BCORL1: variants seen among roughly 807,000 people sequenced by gnomAD.
The protein encoded by BCORL1 is BCL-6 corepressor-like protein 1.
Under a neutral mutation model 87.6 loss-of-function variants are expected in BCORL1, and 7 were observed. The observed-to-expected ratio is 0.08, with a 90% CI of 0.05 to 0.15. The LOEUF is 0.15. Ranked by LOEUF, BCORL1 falls within the 10% of genes least tolerant of loss-of-function variation. The pLI, the probability that BCORL1 is intolerant of heterozygous loss-of-function variation, is 1.00. For missense variants in BCORL1, 1,215 were observed against 1,499.7 expected (o/e 0.81, Z 3.13); for synonymous variants, 591 against 634.4 (o/e 0.93, Z 1.03).
In BCORL1 at chrX:130,025,258, G is replaced by C; in HGVS notation, c.3957G>C (p.Glu1319Asp). The part of the protein sequence containing the change: ...RQMWDTNEEE[E>D]EEEEEGLLKR... ...TGTGGGACACCAATGAGGAGGAGGAGGAAGAAGAGGAGGAGGGCCTGCTGA... is the reference window on the plus strand; with the variant it reads ...TGTGGGACACCAATGAGGAGGAGGACGAAGAAGAGGAGGAGGGCCTGCTGA... The change falls in exon 7 of 14, where the codon GAG becomes GAC. Residue 1319 changes from glutamate to aspartate, a missense_variant. Physicochemically the swap from Glu to Asp is conservative, Grantham distance 45. Coordinates refer to ENST00000540052, the MANE Select transcript of BCORL1 (RefSeq NM_001379451.1). The C allele has an allele frequency of 1.7e-6, 2 of 1,209,887 alleles. No individual in the cohort carries two copies. The highest frequency in any genetic ancestry group is 2.2e-6 in the Non-Finnish European group (2 of 894,611).
chrX:129,994,499 A>G (rs1194469848), intron 1 of BCORL1, among the ~76,000 whole-genome samples: 1 of 111,663 alleles, frequency 9.0e-6, no homozygotes, highest in Non-Finnish European at 1.9e-5. Flanking sequence ...CTCGGCTGAG[A>G]TGACTGTCCA....
At chrX:130,022,742 G>A (rs190772807) in intron 5 of BCORL1, among the ~76,000 whole-genome samples, 155 bp from the exon 6 acceptor site, 1 of 112,347 alleles carries the variant, frequency 8.9e-6, no homozygotes, top group Non-Finnish European at 1.9e-5. Flanking sequence ...TGATGGCCAC[G>A]TAAGGGGAGT....
intron 4 of BCORL1, among the ~76,000 whole-genome samples, chrX:130,019,081 A>G (rs912726299): frequency 6.2e-5 from 7 of 112,193 alleles, no homozygotes; most frequent in African/African-American, 2.3e-4. Flanking sequence ...CATTCCTTGG[A>G]AAGCTCTTTG....
chrX:129,997,682 C>T (rs1215051432), intron 1 of BCORL1, among the ~76,000 whole-genome samples: 4 of 106,570 alleles, frequency 3.8e-5, no homozygotes, highest in Non-Finnish European at 7.7e-5. Context: ...ATCCCAGCTA[C>T]TCAGGAGGCT....
In BCORL1 at chrX:130,012,986, C is replaced by CG. The variant is rs779498199; in HGVS notation, c.220dup (p.Ala74GlyfsTer20). 1.7e-6 allele frequency: 2 copies of CG among 1,202,280 alleles called. No individual in the cohort carries two copies. The highest frequency in any genetic ancestry group is 2.3e-6 in the Non-Finnish European group (2 of 888,756). ...GGCAGTTGGAAGTGGCAGCAATGCC[C>CG]GGGGGGCAGACCCAGATGGCAGTGC... On this transcript the variant is annotated frameshift_variant, in exon 4 of 14. Coordinates refer to ENST00000540052, the MANE Select transcript of BCORL1 (RefSeq NM_001379451.1). LOFTEE classifies it high-confidence loss of function.
intron 11 of BCORL1, among the ~76,000 whole-genome samples, chrX:130,042,244 G>A (rs1362529959): frequency 6.3e-5 from 7 of 110,301 alleles, no homozygotes; most frequent in Admixed American, 9.7e-5. Flanking sequence ...GTGTGCCACC[G>A]GTCCCAGCTA....
intron 9 of BCORL1, among the ~76,000 whole-genome samples, chrX:130,036,315 C>T (rs927053104): frequency 9.2e-6 from 1 of 108,404 alleles, no homozygotes; most frequent in Non-Finnish European, 1.9e-5. Context: ...GGCTGGAGTG[C>T]AACGGTGCAA....
chrX:130,030,822 G>A (rs1369060841), intron 8 of BCORL1, among the ~76,000 whole-genome samples: 3 of 112,053 alleles, frequency 2.7e-5, no homozygotes, highest in South Asian at 3.7e-4. Context: ...CAGTGGGTCC[G>A]CTGCAGTGTT....
chrX:130,052,035 C>T lies in BCORL1; in HGVS notation c.5075+19C>T. On this transcript the variant is annotated intron_variant, in intron 13 of 13. Transcript: ENST00000540052. ...CCCGCGGGTAAGTGTCCGAGAGATC[C>T]ACGGTGACTGAGTGTCAGGATCCTG... The T allele has an allele frequency of 8.6e-7, 1 of 1,161,001 alleles. No homozygotes were observed. The highest frequency in any genetic ancestry group is 1.2e-6 in the Non-Finnish European group (1 of 866,807).
intron 4 of BCORL1, 33 bp downstream of exon 4, chrX:130,016,246 G>T: frequency 8.6e-7 from 1 of 1,157,648 alleles, no homozygotes; most frequent in South Asian, 2.0e-5. Context: ...GGGTGGGGCC[G>T]AGATGCCGCT....
intron 1 of BCORL1, among the ~76,000 whole-genome samples, chrX:129,997,595 G>T (rs1287797630): frequency 9.2e-6 from 1 of 108,651 alleles, no homozygotes; most frequent in African/African-American, 3.4e-5. Flanking sequence ...AGTTCGAGAC[G>T]AGCCTGGCCA....
At position 130,015,853 on chromosome X, in the gene BCORL1, G is replaced by A. The variant is rs150515581; in HGVS notation, c.3081G>A (p.Pro1027=). The A allele has an allele frequency of 4.6e-5, 56 of 1,210,058 alleles. No individual in the cohort carries two copies. Among genetic ancestry groups the A allele is most frequent in the Admixed American group, 3.3e-4 (15 of 45,772 alleles). The change falls in exon 4 of 14, where the codon CCG becomes CCA. Residue 1027 remains proline (P), a synonymous_variant. Coordinates refer to ENST00000540052, the MANE Select transcript of BCORL1 (RefSeq NM_001379451.1). ...AGGAACTTATATTGGACGTGGTTCC[G>A]AGCAGCAGGAGGGGCTCCAGCACAG... ...HPKELILDVV[P]SSRRGSSTER...
At position 130,016,168 on chromosome X, in the gene BCORL1, C is replaced by T; in HGVS notation, c.3396C>T (p.Leu1132=). The T allele has an allele frequency of 8.3e-7, 1 of 1,209,067 alleles. No individual in the cohort carries two copies. The highest frequency in any genetic ancestry group is 1.7e-5 in the African/African-American group (1 of 57,542). The change falls in exon 4 of 14, where the codon CTC becomes CTT. Residue 1132 remains leucine (L), a synonymous_variant. Coordinates refer to ENST00000540052, the MANE Select transcript of BCORL1 (RefSeq NM_001379451.1). ...AGAAGGACAGTGAAGAGCAGCAGCTCCAGCCACAAGCCAAGGCCGTGGTCC... is the reference window on the plus strand; with the variant it reads ...AGAAGGACAGTGAAGAGCAGCAGCTTCAGCCACAAGCCAAGGCCGTGGTCC... ...GKEKDSEEQQ[L]QPQAKAVVRS...
At chrX:130,026,254 C>T (rs1304781630) in intron 7 of BCORL1, among the ~76,000 whole-genome samples, 2 of 112,304 alleles carry the variant, frequency 1.8e-5, no homozygotes, top group Admixed American at 9.4e-5. Context: ...GGTAAACATC[C>T]GCTGTCTCCT....
chrX:130,008,028 A>T (rs931370316), intron 2 of BCORL1, among the ~76,000 whole-genome samples: 5 of 109,763 alleles, frequency 4.6e-5, no homozygotes, highest in African/African-American at 1.7e-4. Context: ...GGTTCAAGTG[A>T]TTCTCGTGCA....
rs912851024 is a variant in BCORL1, at chrX:129,998,592, A to T, written c.-44-6596A>T. ...CCAGGACTGAGACCTAGGAATCTGT[A>T]TTTTGAACAAGCTCCTCGGTGATTC... is the stretch of plus-strand genomic sequence containing the variant. On this transcript the variant is annotated intron_variant, in intron 1 of 13. Coordinates refer to ENST00000540052, the MANE Select transcript of BCORL1 (RefSeq NM_001379451.1). Among the ~76,000 whole-genome samples the T allele has an allele frequency of 3.6e-5, 4 of 112,123 alleles. No individual in the cohort carries two copies. The East Asian group carries it at 1.1e-3, about 31-fold the overall frequency.
At chrX:130,020,072 C>G (rs1486202268) in intron 4 of BCORL1, among the ~76,000 whole-genome samples, 2 of 112,340 alleles carry the variant, frequency 1.8e-5, no homozygotes, top group Non-Finnish European at 3.8e-5. Context: ...GTAGCGAGAG[C>G]TGATGCCCAG....
chrX:130,037,310 A>C (rs752519099), intron 9 of BCORL1, 57 bp from the exon 10 acceptor site: 1 of 1,138,149 alleles, frequency 8.8e-7, no homozygotes, highest in East Asian at 3.0e-5. Flanking sequence ...TCTCAGGGTT[A>C]TATAAGTTCA....
chrX:130,029,754 G>A (rs1297119743), intron 8 of BCORL1, among the ~76,000 whole-genome samples: 4 of 108,604 alleles, frequency 3.7e-5, no homozygotes, highest in Admixed American at 9.9e-5. Flanking sequence ...GGGTTCAAGC[G>A]ATTCTCGTGC....
Sources: gnomAD v4.1 joint callset for allele counts (sites outside exome capture counted in the v4.1 genomes callset) on GRCh38, gnomAD v4.1.1 for gene constraint, MANE v1.5 for transcripts, NCBI Gene and HGNC (gene_info 2026-07-23, HGNC 2026-07-21) for gene names.